The following PCDH11Y variants were observed in gnomAD, a reference collection of about 807,000 sequenced individuals.
PCDH11Y encodes protocadherin-11 Y-linked.
For missense variants in PCDH11Y, 12 were observed against 224.8 expected (o/e 0.05, Z 6.05); for synonymous variants, 9 against 83.6 (o/e 0.11, Z 4.87).
chrY:5,729,835 T>C, intron 4 of PCDH11Y, among the ~76,000 whole-genome samples: 2 of 32,879 alleles, frequency 6.1e-5, no homozygotes, highest in Non-Finnish European at 1.5e-4. Flanking sequence ...TTCTTCTACA[T>C]GTGGCTAGTC....
chrY:5,491,899 T>C (rs2053338860), intron 2 of PCDH11Y, among the ~76,000 whole-genome samples: 1 of 32,661 alleles, frequency 3.1e-5, no homozygotes, highest in Non-Finnish European at 7.5e-5. Context: ...TGCATTTGAC[T>C]TGCCTTTGGC....
intron 4 of PCDH11Y, among the ~76,000 whole-genome samples, chrY:5,688,554 C>T: frequency 3.2e-5 from 1 of 31,302 alleles, no homozygotes; most frequent in Non-Finnish European, 7.7e-5. Context: ...ATTTATGTGG[C>T]TTTTAAAAAA....
At chrY:5,433,281 A>G (rs2124680801) in intron 2 of PCDH11Y, among the ~76,000 whole-genome samples, 1 of 33,661 alleles carries the variant, frequency 3.0e-5, no homozygotes, top group Admixed American at 2.7e-4. Context: ...GATATCTTAG[A>G]TAACCACCTG....
intron 2 of PCDH11Y, among the ~76,000 whole-genome samples, chrY:5,352,723 A>C: frequency 1.5e-4 from 5 of 33,510 alleles, no homozygotes; most frequent in African/African-American, 5.8e-4. Context: ...AAGGTGCTAC[A>C]GTTAATTATA....
At chrY:5,541,399 A>G (rs2053406363) in intron 3 of PCDH11Y, among the ~76,000 whole-genome samples, 1 of 33,375 alleles carries the variant, frequency 3.0e-5, no homozygotes. Flanking sequence ...GCTGTGTGTT[A>G]TTCTCTCTTC....
At chrY:5,068,776 C>A in intron 1 of PCDH11Y, among the ~76,000 whole-genome samples, 4 of 32,143 alleles carry the variant, frequency 1.2e-4, no homozygotes, top group Non-Finnish European at 2.3e-4. Flanking sequence ...GTATTTTATC[C>A]TCATATGAAT....
intron 4 of PCDH11Y, among the ~76,000 whole-genome samples, chrY:5,634,831 ATTAAGT>A (rs2053516471): frequency 3.2e-5 from 1 of 31,205 alleles, no homozygotes; most frequent in Admixed American, 3.0e-4. Context: ...GCATTTTAGC[ATTAAGT>A]TTATAATGTA....
At chrY:5,318,037 C>T in intron 2 of PCDH11Y, among the ~76,000 whole-genome samples, 4 of 33,152 alleles carry the variant, frequency 1.2e-4, no homozygotes, top group African/African-American at 3.5e-4. Context: ...TTTATTACTA[C>T]ATCAGTGTGA....
chrY:5,110,452 T>G, intron 2 of PCDH11Y, among the ~76,000 whole-genome samples: 1 of 32,839 alleles, frequency 3.0e-5, no homozygotes, highest in Non-Finnish European at 7.4e-5. Flanking sequence ...AAAAAAATTT[T>G]TTAAAATAAA....
intron 2 of PCDH11Y, among the ~76,000 whole-genome samples, chrY:5,198,673 A>T: frequency 3.0e-5 from 1 of 33,319 alleles, no homozygotes; most frequent in African/African-American, 1.2e-4. Context: ...GATTAACTGT[A>T]TATCAGTGTC....
In PCDH11Y at chrY:5,058,313, AAG is replaced by A. The variant is rs796539258; in HGVS notation, c.636+858_636+859del. Among the ~76,000 whole-genome samples the A allele has an allele frequency of 5.7e-3, 185 of 32,615 alleles. No homozygotes were observed. The East Asian group carries it at 0.14, about 24-fold the overall frequency. The allele number at this position is 32,615 out of a possible 37,273, so 87.5% of individuals were successfully genotyped here. A position where few individuals can be genotyped will look rare whatever the true frequency, so the allele number is the denominator to read the frequency against. ...TCTTTTAAATTACTTATATGTTATAAAGAGAAATAGATAACTCAGATTTGGGT... is the reference window on the plus strand; with the variant it reads ...TCTTTTAAATTACTTATATGTTATAAAGAAATAGATAACTCAGATTTGGGT... On this transcript the variant is annotated intron_variant, in intron 1 of 1. Coordinates refer to ENST00000215473, the Ensembl canonical transcript of PCDH11Y.
intron 2 of PCDH11Y, among the ~76,000 whole-genome samples, chrY:5,275,037 A>G (rs2053042726): frequency 3.0e-5 from 1 of 33,132 alleles, no homozygotes; most frequent in Non-Finnish European, 7.4e-5. Flanking sequence ...GTATATGTAC[A>G]GTACACTTTT....
intron 4 of PCDH11Y, among the ~76,000 whole-genome samples, chrY:5,734,461 G>C (rs2556871): frequency 1.4e-3 from 47 of 33,438 alleles, no homozygotes; most frequent in African/African-American, 5.4e-3. Flanking sequence ...GAATGAAAGT[G>C]TCATCATCCA....
intron 3 of PCDH11Y, among the ~76,000 whole-genome samples, chrY:5,511,818 AT>A (rs2053365561): frequency 8.9e-5 from 3 of 33,534 alleles, no homozygotes; most frequent in Admixed American, 2.7e-4. Context: ...TCCCAAAAAG[AT>A]TTTTTTTGAA....
chrY:5,070,095 A>G (rs2052697513), intron 1 of PCDH11Y, among the ~76,000 whole-genome samples: 1 of 33,380 alleles, frequency 3.0e-5, no homozygotes, highest in Non-Finnish European at 7.4e-5. Context: ...GGATTTCTAC[A>G]TTCATTTGCC....
exon 5 of PCDH11Y, chrY:5,741,354 A>C: frequency 3.2e-5 from 1 of 30,825 alleles, no homozygotes; most frequent in South Asian, 7.2e-4. Context: ...AATCCTGAGA[A>C]AATTAAAGGT....
intron 1 of PCDH11Y, among the ~76,000 whole-genome samples, chrY:5,069,272 G>T (rs2052695159): frequency 3.0e-5 from 1 of 33,342 alleles, no homozygotes; most frequent in Non-Finnish European, 7.4e-5. Flanking sequence ...GGGCATAATT[G>T]CATTTAGAAT....
At chrY:5,259,652 A>T in intron 2 of PCDH11Y, among the ~76,000 whole-genome samples, 1 of 32,956 alleles carries the variant, frequency 3.0e-5, no homozygotes, top group Non-Finnish European at 7.5e-5. Flanking sequence ...ATATCTTATT[A>T]TACTGTCTTG....
At chrY:5,433,885 C>T (rs796720324) in intron 2 of PCDH11Y, among the ~76,000 whole-genome samples, 2 of 33,037 alleles carry the variant, frequency 6.1e-5, no homozygotes, top group Admixed American at 2.8e-4. Context: ...AAAGTGCTTA[C>T]ATGTGGCCTG....
Sources: allele counts gnomAD v4.1 joint callset (sites outside exome capture counted in the v4.1 genomes callset), GRCh38; gene constraint gnomAD v4.1.1; transcripts MANE v1.5; gene names NCBI Gene and HGNC (gene_info 2026-07-23, HGNC 2026-07-21).